Variants in AIG1 observed in about 807,000 individuals in gnomAD.
AIG1 encodes androgen-induced gene 1 protein.
In AIG1, 23 loss-of-function variants were observed where a neutral mutation model predicts 31.4. The ratio of observed to expected loss-of-function variants is 0.73; its 90% CI spans 0.53 to 1.04. The LOEUF is 1.04. Ranked by LOEUF, AIG1 falls within the 50% of genes least tolerant of loss-of-function variation. The probability of loss-of-function intolerance (pLI) is 0.00; values close to 1 mark genes in which losing one functional copy is unlikely to be tolerated. For synonymous variants in AIG1, 100 were observed against 110.5 expected (o/e 0.90, Z 0.60); for missense variants, 274 against 295.0 (o/e 0.93, Z 0.52).
chr6:143,164,039 C>T (rs914687913), intron 2 of AIG1, among the ~76,000 whole-genome samples: 6 of 152,058 alleles, frequency 3.9e-5, no homozygotes, highest in African/African-American at 7.2e-5. Context: ...TTTCTTCCAC[C>T]GACCTACGAA....
intron 3 of AIG1, among the ~76,000 whole-genome samples, chr6:143,255,760 G>T (rs1225862199): frequency 6.6e-6 from 1 of 151,886 alleles, no homozygotes; most frequent in African/African-American, 2.4e-5. Flanking sequence ...GAAATTTGAG[G>T]GGATTCTAAA....
At chr6:143,125,866 C>T (rs1012540015) in intron 1 of AIG1, among the ~76,000 whole-genome samples, 1 of 152,080 alleles carries the variant, frequency 6.6e-6, no homozygotes, top group Admixed American at 6.6e-5. Flanking sequence ...TTTTCCTGCC[C>T]GTTTGAATGA....
At chr6:143,078,369 T>C (rs1777916642) in intron 1 of AIG1, among the ~76,000 whole-genome samples, 1 of 152,266 alleles carries the variant, frequency 6.6e-6, no homozygotes, top group Non-Finnish European at 1.5e-5. Flanking sequence ...GGTTGACATC[T>C]GTTGATTGTG....
upstream of AIG1, chr6:143,060,727 G>A (rs994675625): frequency 4.0e-5 from 15 of 373,704 alleles, no homozygotes; most frequent in Non-Finnish European, 5.6e-5. Flanking sequence ...AACCGCGCCC[G>A]GCCAGTACAG....
chr6:143,160,070 T>C lies in AIG1; in HGVS notation c.298-5012T>C, dbSNP rs1786195217. Among the ~76,000 whole-genome samples, 5 of 152,330 alleles carry C rather than the reference T, an allele frequency of 3.3e-5. No individual in the cohort carries two copies. The South Asian group carries it at 1.0e-3, about 32-fold the overall frequency. ...AGAATATATATAGGATTTTATCCAGTTGAAGCTGCAGACTTTAAGGATGTA... is the reference window on the plus strand; with the variant it reads ...AGAATATATATAGGATTTTATCCAGCTGAAGCTGCAGACTTTAAGGATGTA... On this transcript the variant is annotated intron_variant, in intron 2 of 5. Coordinates refer to ENST00000357847, the MANE Select transcript of AIG1 (RefSeq NM_016108.4).
chr6:143,146,205 A>G (rs1784692837), intron 2 of AIG1, among the ~76,000 whole-genome samples: 1 of 152,154 alleles, frequency 6.6e-6, no homozygotes. Context: ...TGGGGAAAAA[A>G]AAATCACAGA....
Position 143,334,933 on chromosome 6 carries a change from T to G in AIG1, c.679+1488T>G, listed in dbSNP as rs1319444873. The G allele has an allele frequency of 5.4e-6, 3 of 554,710 alleles. No individual in the cohort carries two copies. The East Asian group carries it at 1.0e-4, about 19-fold the overall frequency. The allele number at this position is 554,710 out of a possible 1,614,324, so 34.4% of individuals were successfully genotyped here. On this transcript the variant is annotated intron_variant, in intron 5 of 5. Coordinates refer to ENST00000357847, the MANE Select transcript of AIG1 (RefSeq NM_016108.4). This position sits in a 1 kb window ranked among gnomAD's most constrained non-coding sequence, Gnocchi z 5.1. ...AATAGAATACTGCTTTTTAGCAGCT[T>G]TGAATGAGGAGTTAAAAATGAATAA... is the stretch of plus-strand genomic sequence containing the variant.
chr6:143,173,378 C>A (rs1787829617), intron 3 of AIG1, among the ~76,000 whole-genome samples: 1 of 152,020 alleles, frequency 6.6e-6, no homozygotes, highest in Admixed American at 6.6e-5. Flanking sequence ...CCATGGCCTA[C>A]CTCATTTAAT....
intron 1 of AIG1, among the ~76,000 whole-genome samples, chr6:143,091,080 G>A (rs187433831): frequency 1.6e-3 from 240 of 152,092 alleles, no homozygotes; most frequent in Non-Finnish European, 2.6e-3. Context: ...TTCTTTGCTC[G>A]TCTATAAGAA....
chr6:143,271,930 A>G (rs1478481163), intron 3 of AIG1, among the ~76,000 whole-genome samples: 1 of 152,176 alleles, frequency 6.6e-6, no homozygotes, highest in Non-Finnish European at 1.5e-5. Context: ...TTAATGGAAA[A>G]AGAAGATTTG....
chr6:143,225,483 A>C (rs1376079701), intron 3 of AIG1, among the ~76,000 whole-genome samples: 1 of 151,384 alleles, frequency 6.6e-6, no homozygotes, highest in Non-Finnish European at 1.5e-5. Context: ...TAAGTAAGCA[A>C]AACTTCGTAA....
At chr6:143,143,833 G>A (rs1583312068) in intron 2 of AIG1, among the ~76,000 whole-genome samples, 1 of 152,014 alleles carries the variant, frequency 6.6e-6, no homozygotes, top group African/African-American at 2.4e-5. Context: ...GTTTATAGAT[G>A]AGGATTTATT....
intron 1 of AIG1, among the ~76,000 whole-genome samples, chr6:143,094,862 CA>C (rs1182920152): frequency 1.3e-5 from 2 of 151,588 alleles, no homozygotes; most frequent in African/African-American, 2.4e-5. Context: ...CAATAGGAAA[CA>C]AAAAAGTTTA....
intron 1 of AIG1, among the ~76,000 whole-genome samples, chr6:143,071,953 T>A (rs890999309): frequency 6.7e-6 from 1 of 149,940 alleles, no homozygotes; most frequent in African/African-American, 2.4e-5. Flanking sequence ...CCAGATTGTT[T>A]TTTTTTAAAT....
chr6:143,235,298 T>A (rs898320166), intron 3 of AIG1, among the ~76,000 whole-genome samples: 2 of 152,204 alleles, frequency 1.3e-5, no homozygotes, highest in Non-Finnish European at 2.9e-5. Context: ...ATTTAGTATT[T>A]CCTTTCATCA....
intron 4 of AIG1, among the ~76,000 whole-genome samples, chr6:143,308,167 G>A (rs1583821332): frequency 6.6e-6 from 1 of 152,248 alleles, no homozygotes; most frequent in East Asian, 1.9e-4. Flanking sequence ...CCTGAGTGAG[G>A]CAATGCCTCG....
rs140050464 is a variant in AIG1, at chr6:143,194,228, G to A, written c.399+29045G>A. ...ACAATCATGGCAGAAAAGGAAGCAG[G>A]CGTGTCTTACATGGCGGCAGGTGAG... On this transcript the variant is annotated intron_variant, in intron 3 of 5. Coordinates refer to ENST00000357847, the MANE Select transcript of AIG1 (RefSeq NM_016108.4). 4.0e-3 allele frequency among the ~76,000 whole-genome samples: 613 copies of A among 152,292 alleles called. 4 individuals carry two copies. Among genetic ancestry groups the A allele is most frequent in the African/African-American group, 0.011 (471 of 41,558 alleles).
At chr6:143,066,398 G>A (rs1157397211) in intron 1 of AIG1, among the ~76,000 whole-genome samples, 4 of 151,764 alleles carry the variant, frequency 2.6e-5, no homozygotes, top group East Asian at 3.9e-4. Context: ...TCAGCCTCCC[G>A]AGTAGCTGGG....
chr6:143,177,293 A>G (rs961267742), intron 3 of AIG1, among the ~76,000 whole-genome samples: 1 of 151,570 alleles, frequency 6.6e-6, no homozygotes, highest in African/African-American at 2.4e-5. Flanking sequence ...GTGATTTTAG[A>G]TTGGTTTTCC....
Sources: allele counts gnomAD v4.1 joint callset (sites outside exome capture counted in the v4.1 genomes callset), GRCh38; gene constraint gnomAD v4.1.1; non-coding constraint Gnocchi (gnomAD v3.1); transcripts MANE v1.5; gene names NCBI Gene and HGNC (gene_info 2026-07-23, HGNC 2026-07-21).